The following RASGRP3 variants were observed in gnomAD, a reference collection of about 807,000 sequenced individuals.
RASGRP3 encodes RAS guanyl releasing protein 3.
RASGRP3 carries 54 observed loss-of-function variants against 82.7 expected under a neutral mutation model. The ratio of observed to expected loss-of-function variants is 0.65; its 90% CI spans 0.52 to 0.82. The LOEUF (loss-of-function observed/expected upper bound fraction) is 0.82, where lower values mean the gene tolerates loss of function less well. Among genes scored for constraint, RASGRP3 ranks in the 40% least tolerant of loss-of-function variants. The probability of loss-of-function intolerance (pLI) is 0.00; values close to 1 mark genes in which losing one functional copy is unlikely to be tolerated. For missense variants in RASGRP3, 861 were observed against 828.9 expected (o/e 1.04, Z -0.48); for synonymous variants, 309 against 300.5 (o/e 1.03, Z -0.29).
chr2:33,454,163 TC>T (rs1558398392), intron 2 of RASGRP3, among the ~76,000 whole-genome samples: 1 of 152,336 alleles, frequency 6.6e-6, no homozygotes, highest in South Asian at 2.1e-4. Context: ...AGGTTTGGTT[TC>T]TTTTGAAGTT....
chr2:33,511,289 T>G (rs78696285), intron 1 of RASGRP3, among the ~76,000 whole-genome samples: 7,011 of 152,208 alleles, frequency 0.046, 528 homozygotes, highest in African/African-American at 0.16. Context: ...AAAATAACAT[T>G]GACATTCATG....
At chr2:33,465,831 A>C (rs1034102435) in intron 2 of RASGRP3, among the ~76,000 whole-genome samples, 1 of 152,190 alleles carries the variant, frequency 6.6e-6, no homozygotes, top group Non-Finnish European at 1.5e-5. Context: ...CAATCTGATA[A>C]TCCTAGGGCC....
At chr2:33,551,726 G>A (rs1675378958) in intron 14 of RASGRP3, among the ~76,000 whole-genome samples, 1 of 152,130 alleles carries the variant, frequency 6.6e-6, no homozygotes, top group South Asian at 2.1e-4. Flanking sequence ...AGGCACGGTG[G>A]CTCACGCCTA....
At chr2:33,530,005 T>C (rs140636638) in intron 10 of RASGRP3, among the ~76,000 whole-genome samples, 116 of 152,328 alleles carry the variant, frequency 7.6e-4, no homozygotes, top group African/African-American at 2.7e-3. Context: ...TATACATTCC[T>C]TCTTCCTGAC....
At position 33,527,154 on chromosome 2, in the gene RASGRP3, A is replaced by G. The variant is rs373496128; in HGVS notation, c.825A>G (p.Thr275=). ...SEVTKNWNEM[T]ELVSSNGNYC... is the part of the protein sequence containing the mutation. ...GTTCCCAGAACTGGAATGAAATGAC[A>G]GAGTTGGTCTCCTCCAACGGCAATT... The change falls in exon 10 of 18, where the codon ACA becomes ACG. Residue 275 remains threonine, a synonymous_variant. Transcript: ENST00000403687. The G allele has an allele frequency of 3.7e-5, 60 of 1,613,910 alleles. No homozygotes were observed. Among genetic ancestry groups the G allele is most frequent in the Non-Finnish European group, 4.8e-5 (57 of 1,179,876 alleles).
intron 1 of RASGRP3, among the ~76,000 whole-genome samples, chr2:33,508,601 T>A (rs1471470348): frequency 6.6e-6 from 1 of 152,154 alleles, no homozygotes; most frequent in African/African-American, 2.4e-5. Context: ...CCATTTACTC[T>A]AAAAAGGAGA....
intron 2 of RASGRP3, among the ~76,000 whole-genome samples, chr2:33,461,432 G>A (rs1666357602): frequency 6.6e-6 from 1 of 152,104 alleles, no homozygotes; most frequent in Non-Finnish European, 1.5e-5. Context: ...GTGCCGTCAC[G>A]ACACTCAGCT....
At chr2:33,525,095 C>CAAA (rs77134139) in intron 9 of RASGRP3, among the ~76,000 whole-genome samples, 43 of 114,078 alleles carry the variant, frequency 3.8e-4, no homozygotes, top group African/African-American at 1.4e-3. Context: ...AAAAAAAAAC[C>CAAA]AAAAAAAAAA....
Position 33,449,435 on chromosome 2 carries a change from A to G in RASGRP3, c.-261+1492A>G, listed in dbSNP as rs376818545. The stretch of plus-strand genomic sequence containing the variant: ...TCTAGAAAAAACCATGTTTGATGAC[A>G]TACAACAGAATATTTCATGACATTG... On this transcript the variant is annotated intron_variant, in intron 2 of 18. Coordinates refer to the RASGRP3 transcript ENST00000402538. Among the ~76,000 whole-genome samples, 10 of 152,332 alleles carry G rather than the reference A, an allele frequency of 6.6e-5. No homozygotes were observed. In the South Asian group the frequency reaches 1.0e-3, roughly 16 times the overall value.
chr2:33,561,718 A>C (rs1676678201), intron 17 of RASGRP3, among the ~76,000 whole-genome samples: 1 of 152,168 alleles, frequency 6.6e-6, no homozygotes, highest in Non-Finnish European at 1.5e-5. Flanking sequence ...CTGTAGTTAA[A>C]GACTTTAGAA....
intron 16 of RASGRP3, 105 bp downstream of exon 16, chr2:33,558,441 C>A: frequency 1.3e-6 from 2 of 1,533,708 alleles, no homozygotes; most frequent in Admixed American, 1.8e-5. Context: ...TCACTCTAAA[C>A]GCTAAGGCCT....
At chr2:33,523,277 C>T (rs535208826) in intron 7 of RASGRP3, among the ~76,000 whole-genome samples, 22 of 152,112 alleles carry the variant, frequency 1.4e-4, no homozygotes, top group Admixed American at 1.2e-3. Flanking sequence ...TCCTGGCCAA[C>T]GTGGTGAAAC....
intron 1 of RASGRP3, chr2:33,481,621 A>G (rs1032575768): frequency 2.6e-5 from 4 of 152,228 alleles, no homozygotes; most frequent in South Asian, 2.1e-4. Flanking sequence ...CATGCCACTC[A>G]TGATATTTCC....
chr2:33,463,682 T>C (rs1666509590), intron 2 of RASGRP3, among the ~76,000 whole-genome samples: 1 of 143,094 alleles, frequency 7.0e-6, no homozygotes, highest in Non-Finnish European at 1.5e-5. Flanking sequence ...CACTGCAACC[T>C]CTGCCTCCCA....
intron 13 of RASGRP3, among the ~76,000 whole-genome samples, chr2:33,545,558 G>T (rs1333492655): frequency 6.6e-6 from 1 of 151,984 alleles, no homozygotes; most frequent in Non-Finnish European, 1.5e-5. Flanking sequence ...TAAATTTGTG[G>T]GACAATGCAT....
chr2:33,495,870 G>A (rs535600668), intron 1 of RASGRP3, among the ~76,000 whole-genome samples: 4 of 152,346 alleles, frequency 2.6e-5, no homozygotes, highest in Admixed American at 2.0e-4. Flanking sequence ...ACAGCCGAAG[G>A]TAGGAGGGAC....
At chr2:33,530,464 G>A (rs920816965) in intron 10 of RASGRP3, among the ~76,000 whole-genome samples, 1 of 151,218 alleles carries the variant, frequency 6.6e-6, no homozygotes, top group Non-Finnish European at 1.5e-5. Flanking sequence ...AGCCTGGGCA[G>A]GGCTGTGAGT....
intron 1 of RASGRP3, among the ~76,000 whole-genome samples, chr2:33,447,142 C>T (rs1272812255): frequency 6.6e-6 from 1 of 151,158 alleles, no homozygotes; most frequent in African/African-American, 2.4e-5. Flanking sequence ...AAGCAGTGAC[C>T]AAGTCAGGCA....
At chr2:33,473,805 C>T (rs1667200733), upstream of RASGRP3, among the ~76,000 whole-genome samples, 1 of 152,210 alleles carries the variant, frequency 6.6e-6, no homozygotes, top group African/African-American at 2.4e-5. Flanking sequence ...TAGAAAAGAA[C>T]CTCTACACCA....
Sources: gnomAD v4.1 joint callset for allele counts (sites outside exome capture counted in the v4.1 genomes callset) on GRCh38, gnomAD v4.1.1 for gene constraint, MANE v1.5 for transcripts, NCBI Gene and HGNC (gene_info 2026-07-23, HGNC 2026-07-21) for gene names.